Variants in PTPRK observed in about 807,000 individuals in gnomAD.
The protein encoded by PTPRK is protein tyrosine phosphatase receptor type K.
A neutral mutation model predicts 178.0 loss-of-function variants in PTPRK; 75 were observed. The ratio of observed to expected loss-of-function variants is 0.42; its 90% CI spans 0.35 to 0.51. PTPRK has a LOEUF of 0.51. Among genes scored for constraint, PTPRK ranks in the 20% least tolerant of loss-of-function variants. PTPRK has a pLI of 0.02. For missense variants in PTPRK, 1,441 were observed against 1,797.8 expected, an observed-to-expected ratio of 0.80 and a Z score of 3.59; for synonymous variants, 637 against 620.6, an observed-to-expected ratio of 1.03 and a Z score of -0.39.
At position 128,322,098 on chromosome 6, in the gene PTPRK, C is replaced by G; in HGVS notation, c.436G>C (p.Gly146Arg). Residue 146 changes from glycine (G) to arginine (R), a missense_variant, in exon 3 of 30, where the codon GGT becomes CGT. Gly to Arg is a moderately radical substitution (Grantham distance 125, BLOSUM62 -2). This residue lies in a region of PTPRK where 158 missense variants were observed against 188.0 expected (regional missense o/e 0.84). Coordinates refer to ENST00000368226, the MANE Select transcript of PTPRK (RefSeq NM_002844.4). ...NPIWNVTGFT[G>R]RDWLRAELAV... ...AGCTCAGCCCGAAGCCAATCTCTAC[C>G]CGTGAATCCAGTCACATTCCAAATT... is the stretch of plus-strand genomic sequence containing the variant. The G allele has an allele frequency of 1.2e-6, 2 of 1,613,964 alleles. No homozygotes were observed. Among genetic ancestry groups the G allele is most frequent in the Non-Finnish European group, 1.7e-6 (2 of 1,179,916 alleles).
intron 1 of PTPRK, among the ~76,000 whole-genome samples, chr6:128,420,984 T>C (rs777128779): frequency 6.6e-6 from 1 of 152,252 alleles, no homozygotes; most frequent in Non-Finnish European, 1.5e-5. Context: ...GATATTTATA[T>C]GTTATTGTTT....
intron 3 of PTPRK, among the ~76,000 whole-genome samples, chr6:128,296,872 C>T (rs1291039601): frequency 2.0e-5 from 3 of 151,978 alleles, no homozygotes; most frequent in Non-Finnish European, 4.4e-5. Flanking sequence ...TCACACATAA[C>T]AATATTAACT....
chr6:127,983,349 T>C lies in PTPRK; in HGVS notation c.3280A>G (p.Ile1094Val). 6.2e-7 allele frequency: 1 copy of C among 1,613,794 alleles called. No individual in the cohort carries two copies. Among genetic ancestry groups the C allele is most frequent in the East Asian group, 2.2e-5 (1 of 44,854 alleles). ...ATGTCTAGCATGATGTCAATCACAA[T>C]GTAGCAGCCAGTTCGTCCAGCACCA... Reference protein sequence around the residue: ...SAGAGRTGCYIVIDIMLDMAE... With the variant: ...SAGAGRTGCYVVIDIMLDMAE... The change falls in exon 23 of 30, where the codon ATT becomes GTT. Residue 1094 changes from isoleucine to valine, a missense_variant. Physicochemically the swap from Ile to Val is conservative, Grantham distance 29 (BLOSUM62 3). Around this residue, in one of 4 missense-constraint regions of PTPRK, gnomAD observed 335 missense variants for 512.4 expected, o/e 0.65. Transcript: ENST00000368226.
At chr6:128,121,633 C>G (rs1792483250) in intron 7 of PTPRK, among the ~76,000 whole-genome samples, 1 of 151,930 alleles carries the variant, frequency 6.6e-6, no homozygotes, top group African/African-American at 2.4e-5. Context: ...GCATATGAAA[C>G]TAAGGTAATT....
At chr6:128,451,019 G>T (rs1847723649) in intron 1 of PTPRK, among the ~76,000 whole-genome samples, 1 of 152,112 alleles carries the variant, frequency 6.6e-6, no homozygotes, top group Non-Finnish European at 1.5e-5. Flanking sequence ...GAGAAAAGGA[G>T]TAAGCCTGTC....
chr6:128,226,897 T>C (rs1811438484), intron 5 of PTPRK, among the ~76,000 whole-genome samples: 1 of 150,998 alleles, frequency 6.6e-6, no homozygotes, highest in Non-Finnish European at 1.5e-5. Context: ...TTCTAGAGAA[T>C]CAGATTTTTA....
intron 3 of PTPRK, among the ~76,000 whole-genome samples, chr6:128,288,642 C>T (rs746354684): frequency 2.0e-5 from 3 of 152,024 alleles, no homozygotes; most frequent in Admixed American, 6.6e-5. Flanking sequence ...AAGTAAGATA[C>T]CCCTCAAATA....
At chr6:128,097,521 G>T (rs1788114102) in intron 7 of PTPRK, among the ~76,000 whole-genome samples, 1 of 152,140 alleles carries the variant, frequency 6.6e-6, no homozygotes, top group African/African-American at 2.4e-5. Context: ...TTTACCAATA[G>T]ATAGATAAAG....
intron 6 of PTPRK, 36 bp downstream of exon 6, chr6:128,218,885 CA>C: frequency 6.5e-7 from 1 of 1,550,026 alleles, no homozygotes; most frequent in Non-Finnish European, 8.8e-7. Context: ...CTAATAAAGC[CA>C]TGCAATTTCG....
chr6:128,431,980 G>A (rs1215202520), intron 1 of PTPRK, among the ~76,000 whole-genome samples: 1 of 152,026 alleles, frequency 6.6e-6, no homozygotes, highest in Non-Finnish European at 1.5e-5. Flanking sequence ...AAGGAAGGAA[G>A]GAAGGAAGGA....
intron 2 of PTPRK, 33 bp downstream of exon 2, chr6:128,397,533 C>T: frequency 1.2e-6 from 2 of 1,609,058 alleles, no homozygotes; most frequent in South Asian, 1.1e-5. Flanking sequence ...CAAAACTATT[C>T]CCCCAACACT....
chr6:128,278,135 ATTTATT>A (rs1821046064), intron 3 of PTPRK, among the ~76,000 whole-genome samples: 1 of 133,396 alleles, frequency 7.5e-6, no homozygotes, highest in African/African-American at 2.7e-5. Context: ...TTATTTATTT[ATTTATT>A]TATTTATTTA....
At chr6:127,973,871 T>C in intron 27 of PTPRK, 44 bp from the exon 28 acceptor site, 2 of 1,569,274 alleles carry the variant, frequency 1.3e-6, no homozygotes, top group South Asian at 1.2e-5. Flanking sequence ...GGGACTACAA[T>C]TTTTACTAAA....
chr6:128,248,550 A>T (rs115236345), intron 3 of PTPRK, among the ~76,000 whole-genome samples: 1 of 152,290 alleles, frequency 6.6e-6, no homozygotes, highest in East Asian at 1.9e-4. Context: ...ATAAAAGAGT[A>T]TCTAAAGGAG....
intron 14 of PTPRK, among the ~76,000 whole-genome samples, chr6:128,007,351 A>G (rs899622075): frequency 1.4e-4 from 21 of 150,910 alleles, no homozygotes; most frequent in African/African-American, 4.6e-4. Context: ...CCTGGGTATA[A>G]AGGTGATGGT....
Position 127,970,092 on chromosome 6 carries a change from T to C in PTPRK, c.*135A>G. On this transcript the variant is annotated 3_prime_UTR_variant, in exon 30 of 30. Coordinates refer to ENST00000368226, the MANE Select transcript of PTPRK (RefSeq NM_002844.4). ...ATACACAACTTCATAAAAAAAATAC[T>C]TTTACCTCTCAAATGTAAAAGTCTC... 1.7e-6 allele frequency: 1 copy of C among 577,040 alleles called. No homozygotes were observed. The highest frequency in any genetic ancestry group is 3.0e-6 in the Non-Finnish European group (1 of 338,268). 35.7% of individuals were successfully genotyped at this position (577,040 alleles called of 1,614,324 possible). A position where few individuals can be genotyped will look rare whatever the true frequency, so the allele number is the denominator to read the frequency against.
chr6:127,989,684 T>G (rs1390984172), intron 21 of PTPRK, among the ~76,000 whole-genome samples: 1 of 152,118 alleles, frequency 6.6e-6, no homozygotes, highest in Non-Finnish European at 1.5e-5. Context: ...TTCAACATAC[T>G]CTAACAATCA....
intron 5 of PTPRK, among the ~76,000 whole-genome samples, chr6:128,236,529 A>C (rs1312559027): frequency 1.3e-5 from 2 of 151,690 alleles, no homozygotes; most frequent in African/African-American, 4.8e-5. Flanking sequence ...TTGTATTTTT[A>C]GTAGAGACAG....
At chr6:128,486,152 G>GT (rs946443583) in intron 1 of PTPRK, among the ~76,000 whole-genome samples, 3 of 151,440 alleles carry the variant, frequency 2.0e-5, no homozygotes, top group African/African-American at 4.8e-5. Context: ...TGTTATCTTT[G>GT]TTTTTTTAAA....
Sources: allele counts gnomAD v4.1 joint callset (sites outside exome capture counted in the v4.1 genomes callset), GRCh38; gene constraint gnomAD v4.1.1; regional missense constraint gnomAD v4.1.1; transcripts MANE v1.5; gene names NCBI Gene and HGNC (gene_info 2026-07-23, HGNC 2026-07-21).